The following OTOGL variants were observed in gnomAD, a reference collection of about 807,000 sequenced individuals.
OTOGL encodes otogelin like, also known as otogelin-like protein.
In OTOGL, 285 loss-of-function variants were observed where a neutral mutation model predicts 318.5. The ratio of observed to expected loss-of-function variants is 0.89; its 90% confidence interval spans 0.81 to 0.99. OTOGL has a LOEUF of 0.99. Ranked by LOEUF, OTOGL falls within the 50% of genes least tolerant of loss-of-function variation. The pLI, the probability that OTOGL is intolerant of heterozygous loss-of-function variation, is 0.00. For missense variants in OTOGL, 2,899 were observed against 2,845.6 expected, an observed-to-expected ratio of 1.02 and a Z score of -0.43; for synonymous variants, 987 against 936.5, an observed-to-expected ratio of 1.05 and a Z score of -0.99.
Position 80,272,174 on chromosome 12 carries a change from A to T in OTOGL, c.2681+364A>T, listed in dbSNP as rs1383490408. On this transcript the variant is annotated intron_variant, in intron 24 of 58. Coordinates refer to ENST00000547103, the MANE Select transcript of OTOGL (RefSeq NM_001378609.3). ...GTATTGATGTGAAGTTGTAATAGTG[A>T]TGCCAACTGTTTTATCTTAAAGAAA... 2.6e-5 allele frequency among the ~76,000 whole-genome samples: 4 copies of T among 152,116 alleles called. No homozygotes were observed. The East Asian group carries it at 5.8e-4, about 22-fold the overall frequency.
chr12:80,365,089 C>T (rs980654403), intron 52 of OTOGL, among the ~76,000 whole-genome samples: 1 of 152,036 alleles, frequency 6.6e-6, no homozygotes, highest in Non-Finnish European at 1.5e-5. Context: ...TGGAAAACAC[C>T]TTGGCTATTA....
chr12:80,148,804 T>G (rs1490367466), intron 1 of OTOGL, among the ~76,000 whole-genome samples: 1 of 152,242 alleles, frequency 6.6e-6, no homozygotes, highest in African/African-American at 2.4e-5. Context: ...TTCATTCATT[T>G]CATCTTCTGT....
rs755481648 is a variant in OTOGL, at chr12:80,370,581, CTG to C, written c.6628_6629del (p.Trp2210AlafsTer8). ...TTTTTGATTTTTAGGTAGGGAGTAC[CTG>C]GCACTACAATTGCACCACATATGAA... is the stretch of plus-strand genomic sequence containing the variant. ...TSVVYAVGST[W>X]HYNCTTYECV... On this transcript the variant is annotated frameshift_variant, in exon 56 of 59. Coordinates refer to ENST00000547103, the MANE Select transcript of OTOGL (RefSeq NM_001378609.3). LOFTEE classifies it high-confidence loss of function. 1.0e-5 allele frequency: 16 copies of C among 1,537,800 alleles called. No individual in the cohort carries two copies. The highest frequency in any genetic ancestry group is 1.4e-5 in the African/African-American group (1 of 71,170).
chr12:80,279,177 G>A lies in OTOGL; in HGVS notation c.2928+11G>A. 1 of 1,575,904 alleles carries A rather than the reference G, an allele frequency of 6.3e-7. No individual in the cohort carries two copies. Among genetic ancestry groups the A allele is most frequent in the Admixed American group, 1.8e-5 (1 of 55,472 alleles). ...GTGTTTTTGATAAAGGTAGGTCACAGTTACACATTTTTATTTGCATTCGTG... is the reference window on the plus strand; with the variant it reads ...GTGTTTTTGATAAAGGTAGGTCACAATTACACATTTTTATTTGCATTCGTG... On this transcript the variant is annotated intron_variant, in intron 26 of 58. Coordinates refer to ENST00000547103, the MANE Select transcript of OTOGL (RefSeq NM_001378609.3).
intron 37 of OTOGL, among the ~76,000 whole-genome samples, chr12:80,332,510 C>T (rs943083723): frequency 1.1e-4 from 16 of 152,102 alleles, no homozygotes; most frequent in Admixed American, 1.0e-3. Context: ...ACTCCTAAAC[C>T]ACACCCATCA....
rs7310166 is a variant in OTOGL, at chr12:80,217,941, C to T, written c.235+277C>T. On this transcript the variant is annotated intron_variant, in intron 5 of 58. Coordinates refer to ENST00000547103, the MANE Select transcript of OTOGL (RefSeq NM_001378609.3). Reference sequence around the variant, plus strand: ...TATTTTTTTGTGAATAAATTACTTGCTCTTTGATCCCTGTTTTTTGTTACC... The same window carrying T: ...TATTTTTTTGTGAATAAATTACTTGTTCTTTGATCCCTGTTTTTTGTTACC... Among the ~76,000 whole-genome samples, 7,640 of 152,240 alleles carry T rather than the reference C, an allele frequency of 0.05. 637 individuals are homozygous for T. The highest frequency in any genetic ancestry group is 0.18 in the African/African-American group (7,273 of 41,514).
chr12:80,319,758 T>C (rs1206386035), intron 33 of OTOGL, among the ~76,000 whole-genome samples: 1 of 152,178 alleles, frequency 6.6e-6, no homozygotes, highest in African/African-American at 2.4e-5. Context: ...AAACTTTTAT[T>C]TCATGAGTTT....
intron 32 of OTOGL, among the ~76,000 whole-genome samples, chr12:80,318,125 A>G (rs924239643): frequency 6.6e-6 from 1 of 152,098 alleles, no homozygotes; most frequent in Non-Finnish European, 1.5e-5. Flanking sequence ...CCTCCAATCC[A>G]ATTATCCTTT....
intron 9 of OTOGL, among the ~76,000 whole-genome samples, chr12:80,235,121 A>C (rs1158287418): frequency 6.6e-6 from 1 of 150,718 alleles, no homozygotes; most frequent in African/African-American, 2.4e-5. Flanking sequence ...AAGCTTCACG[A>C]AAAAAAAATA....
In OTOGL at chr12:80,323,836, C is replaced by A; in HGVS notation, c.4195C>A (p.Pro1399Thr). Residue 1399 changes from proline to threonine, a missense_variant, in exon 35 of 59, where the codon CCA becomes ACA. Around this residue, in one of 3 missense-constraint regions of OTOGL, gnomAD observed 2,607 missense variants for 2,524.9 expected, o/e 1.03. Transcript: ENST00000547103. The stretch of plus-strand genomic sequence containing the variant: ...TGAAGCACTAGCATGTAAATTTCTT[C>A]CACCGTAAGTAACGTTTACCAATAA... ...DPEALACKFLPPVEGCLPYCP... is the reference protein window; with the variant it reads ...DPEALACKFLTPVEGCLPYCP... 6.2e-7 allele frequency: 1 copy of A among 1,604,388 alleles called. No homozygotes were observed. The highest frequency in any genetic ancestry group is 2.2e-5 in the East Asian group (1 of 44,816).
At chr12:80,363,776 A>G (rs990585550) in intron 52 of OTOGL, among the ~76,000 whole-genome samples, 1 of 152,142 alleles carries the variant, frequency 6.6e-6, no homozygotes, top group African/African-American at 2.4e-5. Context: ...ACAACTTCCA[A>G]TGTAACAAGA....
chr12:80,109,073 T>C (rs922524079), intron 1 of OTOGL, among the ~76,000 whole-genome samples: 1 of 151,508 alleles, frequency 6.6e-6, no homozygotes, highest in South Asian at 2.1e-4. Context: ...CTCTTTTCTC[T>C]TTTATGACAC....
chr12:80,106,787 A>G (rs1014241852), intron 1 of OTOGL, among the ~76,000 whole-genome samples: 1 of 152,124 alleles, frequency 6.6e-6, no homozygotes, highest in Admixed American at 6.5e-5. Context: ...AAATTCTTTT[A>G]TTTGTTATGC....
chr12:80,191,871 A>G (rs1370912639), intron 1 of OTOGL, among the ~76,000 whole-genome samples: 2 of 152,206 alleles, frequency 1.3e-5, no homozygotes, highest in African/African-American at 4.8e-5. Context: ...CCAGCTTTAC[A>G]TACTGTGGTG....
intron 24 of OTOGL, among the ~76,000 whole-genome samples, chr12:80,273,254 A>G (rs565091453): frequency 3.5e-4 from 53 of 152,096 alleles, no homozygotes; most frequent in Admixed American, 2.6e-3. Context: ...TTCTCCTACA[A>G]TATTGTTTAT....
chr12:80,366,731 C>G, intron 53 of OTOGL, 94 bp downstream of exon 53: 1 of 391,056 alleles, frequency 2.6e-6, no homozygotes, highest in Non-Finnish European at 4.0e-6. Flanking sequence ...ATTTTTGAGA[C>G]ACATACATTT....
At chr12:80,358,419 T>C in intron 50 of OTOGL, 70 bp downstream of exon 50, 1 of 1,255,844 alleles carries the variant, frequency 8.0e-7, no homozygotes, top group Non-Finnish European at 1.1e-6. Context: ...TGCATCTTAG[T>C]TGGCTGTTAC....
intron 1 of OTOGL, among the ~76,000 whole-genome samples, chr12:80,174,849 C>A (rs916875674): frequency 1.3e-5 from 2 of 152,000 alleles, no homozygotes; most frequent in Non-Finnish European, 2.9e-5. Context: ...CTTTTTAATA[C>A]ATGTGTTGCC....
chr12:80,227,077 G>A (rs951998651), intron 7 of OTOGL, among the ~76,000 whole-genome samples: 3 of 151,806 alleles, frequency 2.0e-5, no homozygotes, highest in African/African-American at 7.3e-5. Context: ...CTTTTATATT[G>A]GAGCTAATAT....
Sources: gnomAD v4.1 joint callset for allele counts (sites outside exome capture counted in the v4.1 genomes callset) on GRCh38, gnomAD v4.1.1 for gene constraint, gnomAD v4.1.1 regional missense constraint, MANE v1.5 for transcripts, NCBI Gene and HGNC (gene_info 2026-07-23, HGNC 2026-07-21) for gene names.